The following FAM227B variants were observed in gnomAD, a reference collection of about 807,000 sequenced individuals.
FAM227B encodes the protein protein FAM227B.
In FAM227B, 88 loss-of-function variants were observed where a neutral mutation model predicts 73.8. The ratio of observed to expected loss-of-function variants is 1.19; its 90% CI spans 1.00 to 1.42. FAM227B has a LOEUF of 1.42. Among genes scored for constraint, FAM227B ranks in the 40% most tolerant of loss-of-function variants. FAM227B has a pLI of 0.00. For synonymous variants in FAM227B, 210 were observed against 190.5 expected (o/e 1.10, Z -0.84); for missense variants, 632 against 590.9 (o/e 1.07, Z -0.72).
chr15:49,611,365 T>TA, intron 2 of FAM227B, 97 bp from the exon 3 acceptor site: 2 of 635,786 alleles, frequency 3.1e-6, no homozygotes, highest in Admixed American at 5.4e-5. Flanking sequence ...ATACTCTATT[T>TA]ATCATTTTCA....
At chr15:49,525,665 AATATATATATATATAT>A (rs57123974) in intron 10 of FAM227B, among the ~76,000 whole-genome samples, 832 of 81,350 alleles carry the variant, frequency 0.01, 13 homozygotes, top group Non-Finnish European at 0.013. Context: ...AGGGTGGAGA[AATATATATATATATAT>A]ATATATATAT....
intron 11 of FAM227B, among the ~76,000 whole-genome samples, chr15:49,412,631 C>T (rs932387638): frequency 5.3e-5 from 8 of 151,842 alleles, no homozygotes; most frequent in Admixed American, 1.3e-4. Context: ...TTCACAATAA[C>T]GTCCCATGAT....
At chr15:49,347,880 G>A (rs932546564) in intron 13 of FAM227B, among the ~76,000 whole-genome samples, 6 of 151,924 alleles carry the variant, frequency 3.9e-5, no homozygotes, top group East Asian at 1.9e-4. Context: ...TTAGCTGGGC[G>A]TGGTGGCAGA....
rs1954171228 is a variant in FAM227B, at chr15:49,541,802, T to C, written c.752A>G (p.Tyr251Cys). ...TATGGCTTGTGCCAAACAATCAGGA[T>C]ATATCTACCAAAATAAAATCAAATT... ...LSRKDAFFQI[Y>C]PDCLAQAIYA... is the part of the protein sequence containing the mutation. Residue 251 changes from tyrosine to cysteine, a missense_variant, in exon 10 of 16, where the codon TAT (tyrosine) becomes TGT (cysteine). Transcript: ENST00000299338. 1 of 1,421,268 alleles carries C rather than the reference T, an allele frequency of 7.0e-7. No homozygotes were observed. Among genetic ancestry groups the C allele is most frequent in the Non-Finnish European group, 9.2e-7 (1 of 1,084,548 alleles). 88.0% of individuals were successfully genotyped at this position (1,421,268 alleles called of 1,614,324 possible).
chr15:49,548,475 G>C (rs1422817661), intron 9 of FAM227B, among the ~76,000 whole-genome samples: 3 of 152,202 alleles, frequency 2.0e-5, no homozygotes, highest in Middle Eastern at 6.8e-3. Flanking sequence ...CTGGTCTGTA[G>C]TTTTCTTTTC....
At chr15:49,580,397 C>G (rs2075738395) in intron 5 of FAM227B, among the ~76,000 whole-genome samples, 1 of 152,112 alleles carries the variant, frequency 6.6e-6, no homozygotes. Flanking sequence ...CCAATACATG[C>G]CCCGATAAAA....
At chr15:49,568,057 T>C (rs1256665102) in intron 9 of FAM227B, among the ~76,000 whole-genome samples, 188 bp downstream of exon 9, 1 of 152,070 alleles carries the variant, frequency 6.6e-6, no homozygotes, top group African/African-American at 2.4e-5. Context: ...AAGACCTTGA[T>C]GCCAGGGAAT....
intron 9 of FAM227B, among the ~76,000 whole-genome samples, chr15:49,559,743 T>C (rs925161316): frequency 1.3e-5 from 2 of 152,004 alleles, no homozygotes; most frequent in Non-Finnish European, 2.9e-5. Context: ...GAGACTAGCC[T>C]GACCAACATG....
intron 11 of FAM227B, among the ~76,000 whole-genome samples, chr15:49,454,599 ATTTAT>A (rs1010404813): frequency 5.3e-5 from 8 of 151,998 alleles, no homozygotes; most frequent in African/African-American, 1.9e-4. Flanking sequence ...TATACTCTTT[ATTTAT>A]TTTATTTTTT....
chr15:49,543,430 T>C (rs1567534608), intron 9 of FAM227B, among the ~76,000 whole-genome samples: 1 of 152,206 alleles, frequency 6.6e-6, no homozygotes, highest in Non-Finnish European at 1.5e-5. Context: ...ATGCATAGCT[T>C]GCAAATGTTT....
At chr15:49,361,142 A>G (rs1170051300) in intron 13 of FAM227B, among the ~76,000 whole-genome samples, 1 of 152,208 alleles carries the variant, frequency 6.6e-6, no homozygotes, top group Non-Finnish European at 1.5e-5. Context: ...ATGTATACAT[A>G]TATCATAACA....
At chr15:49,452,912 A>T (rs537914694) in intron 11 of FAM227B, among the ~76,000 whole-genome samples, 1 of 152,194 alleles carries the variant, frequency 6.6e-6, no homozygotes. Flanking sequence ...AATATTTTAC[A>T]TATTTCAAAG....
rs555146504 is a variant in FAM227B at position 49,420,315 on chromosome 15, C to A, written c.1013-48916G>T. ...GGCTGCTCAAATACACTGTGATATA[C>A]CCATTCGGTGGAATACCCTGTAGCT... On this transcript the variant is annotated intron_variant, in intron 11 of 15. Transcript: ENST00000299338. 9.6e-4 allele frequency among the ~76,000 whole-genome samples: 146 copies of A among 151,796 alleles called. 5 individuals are homozygous for A. The South Asian group carries it at 0.027, about 28-fold the overall frequency.
chr15:49,331,950 T>C, intron 14 of FAM227B, 101 bp from the exon 15 acceptor site: 2 of 735,568 alleles, frequency 2.7e-6, no homozygotes, highest in Admixed American at 4.1e-5. Flanking sequence ...TGCTGGGCAT[T>C]CGTCAAGCAC....
chr15:49,612,338 C>T (rs370537632), intron 2 of FAM227B, among the ~76,000 whole-genome samples: 7 of 152,168 alleles, frequency 4.6e-5, no homozygotes, highest in East Asian at 1.9e-4. Context: ...TGAGAACATG[C>T]GGTGTTTGTT....
chr15:49,583,221 A>G (rs1644505648), intron 5 of FAM227B, among the ~76,000 whole-genome samples: 1 of 152,034 alleles, frequency 6.6e-6, no homozygotes, highest in South Asian at 2.1e-4. Context: ...TTAATTAACA[A>G]AATAGACTGC....
intron 13 of FAM227B, among the ~76,000 whole-genome samples, chr15:49,349,450 C>A (rs1056864442): frequency 2.0e-5 from 3 of 152,094 alleles, no homozygotes; most frequent in Non-Finnish European, 4.4e-5. Context: ...TCTCTAAGAG[C>A]AAAATTTAAA....
intron 3 of FAM227B, among the ~76,000 whole-genome samples, chr15:49,594,978 G>T (rs2076807859): frequency 6.6e-6 from 1 of 152,032 alleles, no homozygotes; most frequent in South Asian, 2.1e-4. Flanking sequence ...ATGTTATTTT[G>T]ATGGGAATTA....
chr15:49,574,879 T>A, intron 8 of FAM227B, 132 bp downstream of exon 8: 1 of 507,338 alleles, frequency 2.0e-6, no homozygotes, highest in Non-Finnish European at 3.5e-6. Context: ...GGATTTCTAA[T>A]GTGTGGAATG....
Sources: gnomAD v4.1 joint callset for allele counts (sites outside exome capture counted in the v4.1 genomes callset) on GRCh38, gnomAD v4.1.1 for gene constraint, MANE v1.5 for transcripts, NCBI Gene and HGNC (gene_info 2026-07-23, HGNC 2026-07-21) for gene names.